Variants in XRN2 observed in about 807,000 individuals in gnomAD.
XRN2 encodes the protein DHM1-like protein.
A neutral mutation model predicts 138.5 loss-of-function variants in XRN2; 44 were observed. The ratio of observed to expected loss-of-function variants is 0.32; its 90% CI spans 0.25 to 0.41. The LOEUF (loss-of-function observed/expected upper bound fraction) is 0.41, where lower values mean the gene tolerates loss of function less well. Ranked by LOEUF, XRN2 falls within the 10% of genes least tolerant of loss-of-function variation. XRN2 has a pLI of 1.00. For synonymous variants in XRN2, 354 were observed against 369.4 expected, an observed-to-expected ratio of 0.96 and a Z score of 0.48; for missense variants, 937 against 1,169.3, an observed-to-expected ratio of 0.80 and a Z score of 2.90.
chr20:21,339,301 G>A lies in XRN2; in HGVS notation c.1278+213G>A, dbSNP rs910984626. Among the ~76,000 whole-genome samples, 4 of 152,174 alleles carry A rather than the reference G, an allele frequency of 2.6e-5. No individual in the cohort carries two copies. The South Asian group carries it at 8.3e-4, about 31-fold the overall frequency. ...GATGTCTGAAGGGATACACTTGGGAGGTGAGAGGTGGGTGGCAGTTAGCTA... is the reference window on the plus strand; with the variant it reads ...GATGTCTGAAGGGATACACTTGGGAAGTGAGAGGTGGGTGGCAGTTAGCTA... On this transcript the variant is annotated intron_variant, in intron 14 of 29. Coordinates refer to ENST00000377191, the MANE Select transcript of XRN2 (RefSeq NM_012255.5).
chr20:21,373,415 G>C (rs1468888022), intron 27 of XRN2, among the ~76,000 whole-genome samples: 1 of 152,178 alleles, frequency 6.6e-6, no homozygotes, highest in Non-Finnish European at 1.5e-5. Context: ...TTGCTGGATT[G>C]GACTGCTGTG....
At chr20:21,373,077 A>G (rs927921718) in intron 27 of XRN2, among the ~76,000 whole-genome samples, 2 of 152,018 alleles carry the variant, frequency 1.3e-5, no homozygotes, top group African/African-American at 4.8e-5. Context: ...CAGTGGCACA[A>G]TCTTGGCTCA....
intron 24 of XRN2, 81 bp downstream of exon 24, chr20:21,357,873 C>A: frequency 1.6e-6 from 2 of 1,227,524 alleles, no homozygotes; most frequent in Non-Finnish European, 2.3e-6. Context: ...CTTTGATTCA[C>A]AAGGAAATGG....
At position 21,349,436 on chromosome 20, in the gene XRN2, G is replaced by A. The variant is rs1433114798; in HGVS notation, c.1911G>A (p.Leu637=). Residue 637 remains leucine, a synonymous_variant, in exon 20 of 30, where the codon TTG becomes TTA. Coordinates refer to ENST00000377191, the MANE Select transcript of XRN2 (RefSeq NM_012255.5). ...DFYPEDFAID[L]NGKKYAWQGV... ...ATCCTGAAGATTTTGCTATTGATTT[G>A]AATGGGAAGAAATATGCATGGCAAG... 1.2e-6 allele frequency: 2 copies of A among 1,607,558 alleles called. No individual in the cohort carries two copies. Among genetic ancestry groups the A allele is most frequent in the East Asian group, 4.5e-5 (2 of 44,724 alleles).
intron 24 of XRN2, among the ~76,000 whole-genome samples, chr20:21,358,856 T>G (rs1313316682): frequency 2.0e-5 from 3 of 152,204 alleles, no homozygotes; most frequent in African/African-American, 7.2e-5. Flanking sequence ...AAAGCCACGC[T>G]CCTAAACCCA....
intron 1 of XRN2, among the ~76,000 whole-genome samples, chr20:21,311,084 T>C (rs1478092171): frequency 6.6e-6 from 1 of 152,222 alleles, no homozygotes; most frequent in East Asian, 1.9e-4. Flanking sequence ...TGAGAATCTC[T>C]GCCCCCTCTT....
intron 1 of XRN2, among the ~76,000 whole-genome samples, chr20:21,321,301 CTGTGTGTGTG>C (rs61188840): frequency 0.073 from 8,830 of 121,410 alleles, 378 homozygotes; most frequent in Middle Eastern, 0.11. Flanking sequence ...CTGTGCCTGG[CTGTGTGTGTG>C]TGTGTGTGTG....
chr20:21,311,133 C>G (rs184814442), intron 1 of XRN2, among the ~76,000 whole-genome samples: 80 of 152,262 alleles, frequency 5.3e-4, no homozygotes, highest in Non-Finnish European at 1.1e-3. Context: ...ACCATTTTGA[C>G]TGTTTTAAAG....
intron 1 of XRN2, among the ~76,000 whole-genome samples, chr20:21,320,001 C>A (rs2038015164): frequency 6.6e-6 from 1 of 152,088 alleles, no homozygotes; most frequent in Admixed American, 6.6e-5. Flanking sequence ...CTTGAATTAC[C>A]ATCTAGAGTC....
chr20:21,341,346 G>A (rs188872925), intron 15 of XRN2, among the ~76,000 whole-genome samples: 77 of 152,242 alleles, frequency 5.1e-4, no homozygotes, highest in Middle Eastern at 3.4e-3. Context: ...TATTCCTTAG[G>A]TGTAAACTCT....
At chr20:21,348,104 C>T in intron 17 of XRN2, 42 bp from the exon 18 acceptor site, 1 of 1,544,786 alleles carries the variant, frequency 6.5e-7, no homozygotes, top group South Asian at 1.2e-5. Context: ...TCATCATTAA[C>T]ATAGGTTTTT....
At chr20:21,378,940 G>A (rs1429740617) in intron 27 of XRN2, among the ~76,000 whole-genome samples, 1 of 152,188 alleles carries the variant, frequency 6.6e-6, no homozygotes, top group Non-Finnish European at 1.5e-5. Flanking sequence ...GTAGCCCTGA[G>A]TACTCAGTCT....
In XRN2 at chr20:21,386,993, G is replaced by T. The variant is rs375386769; in HGVS notation, c.2774G>T (p.Arg925Leu). 11 of 1,609,062 alleles carry T rather than the reference G, an allele frequency of 6.8e-6. No individual in the cohort carries two copies. Among genetic ancestry groups the T allele is most frequent in the African/African-American group, 1.3e-5 (1 of 74,974 alleles). Reference sequence around the variant, plus strand: ...GGGTATCCACCCAGACGAGATGATCGTGGAGGGAGACAGGTAAATGGTTGT... The same window carrying T: ...GGGTATCCACCCAGACGAGATGATCTTGGAGGGAGACAGGTAAATGGTTGT... ...PGGYPPRRDDRGGRQGYPREG... is the reference protein window; with the variant it reads ...PGGYPPRRDDLGGRQGYPREG... Residue 925 changes from arginine (R) to leucine (L), a missense_variant, in exon 29 of 30, where the codon CGT (arginine) becomes CTT (leucine). Transcript: ENST00000377191.
At chr20:21,325,501 A>G (rs1042585460) in intron 1 of XRN2, among the ~76,000 whole-genome samples, 3 of 152,198 alleles carry the variant, frequency 2.0e-5, no homozygotes, top group Admixed American at 1.3e-4. Context: ...AGGTGTTATA[A>G]AGTGAGTGAC....
In XRN2 at chr20:21,305,063, A is replaced by G. The variant is rs192602802; in HGVS notation, c.75+1590A>G. Reference sequence around the variant, plus strand: ...TTACATCTTGCCGCGCCCGGACTCTATTTTACCAGGTAGTCTATCAAGAGT... The same window carrying G: ...TTACATCTTGCCGCGCCCGGACTCTGTTTTACCAGGTAGTCTATCAAGAGT... On this transcript the variant is annotated intron_variant, in intron 1 of 29. Coordinates refer to ENST00000377191, the MANE Select transcript of XRN2 (RefSeq NM_012255.5). Among the ~76,000 whole-genome samples the G allele has an allele frequency of 6.2e-4, 94 of 151,942 alleles. No homozygotes were observed. In the East Asian group the frequency reaches 6.8e-3, roughly 11 times the overall value.
intron 20 of XRN2, among the ~76,000 whole-genome samples, chr20:21,349,764 T>G (rs946122252): frequency 2.0e-5 from 3 of 152,268 alleles, no homozygotes; most frequent in Admixed American, 6.5e-5. Flanking sequence ...AATGAATAAA[T>G]AAATATTTTA....
intron 20 of XRN2, among the ~76,000 whole-genome samples, chr20:21,351,784 A>G (rs928841307): frequency 6.6e-6 from 1 of 152,190 alleles, no homozygotes; most frequent in Non-Finnish European, 1.5e-5. Context: ...TAATGGTCCA[A>G]CTTCATTCTT....
intron 4 of XRN2, among the ~76,000 whole-genome samples, chr20:21,329,321 G>C (rs993774394): frequency 1.3e-5 from 2 of 152,186 alleles, no homozygotes; most frequent in African/African-American, 4.8e-5. Flanking sequence ...GAAGATCAGG[G>C]AGTGTTGATG....
intron 15 of XRN2, among the ~76,000 whole-genome samples, chr20:21,342,931 T>TG (rs747224412): frequency 3.5e-4 from 53 of 152,170 alleles, no homozygotes; most frequent in Non-Finnish European, 4.3e-4. Flanking sequence ...TTATTTTTAT[T>TG]GGGTTTTTTT....
Sources: allele counts gnomAD v4.1 joint callset (sites outside exome capture counted in the v4.1 genomes callset), GRCh38; gene constraint gnomAD v4.1.1; transcripts MANE v1.5; gene names NCBI Gene and HGNC (gene_info 2026-07-23, HGNC 2026-07-21).